The following CHRM5 variants were observed in gnomAD, a reference collection of about 807,000 sequenced individuals.
CHRM5 encodes the protein cholinergic receptor muscarinic 5.
Under a neutral mutation model 39.0 loss-of-function variants are expected in CHRM5, and 18 were observed. The ratio of observed to expected loss-of-function variants is 0.46; its 90% CI spans 0.32 to 0.68. CHRM5 has a LOEUF of 0.68. Among genes scored for constraint, CHRM5 ranks in the 30% least tolerant of loss-of-function variants. The pLI, the probability that CHRM5 is intolerant of heterozygous loss-of-function variation, is 0.04. For synonymous variants in CHRM5, 241 were observed against 246.3 expected (o/e 0.98, Z 0.20); for missense variants, 515 against 651.1 (o/e 0.79, Z 2.28).
At chr15:34,023,238 T>C (rs1898290933) in intron 1 of CHRM5, among the ~76,000 whole-genome samples, 1 of 152,038 alleles carries the variant, frequency 6.6e-6, no homozygotes, top group Non-Finnish European at 1.5e-5. Flanking sequence ...CCCACTCAGG[T>C]TGCTACTCCA....
intron 1 of CHRM5, among the ~76,000 whole-genome samples, chr15:34,016,015 G>A (rs566629432): frequency 2.0e-5 from 3 of 152,288 alleles, no homozygotes; most frequent in African/African-American, 7.2e-5. Flanking sequence ...GGTGGCTCAT[G>A]CCTGTAATCC....
At chr15:34,036,909 A>T (rs1378608732) in intron 1 of CHRM5, among the ~76,000 whole-genome samples, 2 of 152,156 alleles carry the variant, frequency 1.3e-5, no homozygotes, top group African/African-American at 4.8e-5. Flanking sequence ...CAGGAGTTCG[A>T]GACCAGCCTG....
chr15:34,012,916 C>T (rs1897695528), intron 1 of CHRM5, among the ~76,000 whole-genome samples: 1 of 152,150 alleles, frequency 6.6e-6, no homozygotes, highest in African/African-American at 2.4e-5. Context: ...CCTTTATAAG[C>T]ACAAATTTCC....
chr15:34,046,412 A>G (rs1899684879), intron 1 of CHRM5, 128 bp from the exon 2 acceptor site: 1 of 152,010 alleles, frequency 6.6e-6, no homozygotes, highest in Non-Finnish European at 1.5e-5. Flanking sequence ...AATTTCGAAC[A>G]GGAGAAAAAA....
At chr15:34,017,969 CCTA>C (rs577108109) in intron 1 of CHRM5, among the ~76,000 whole-genome samples, 25 of 152,146 alleles carry the variant, frequency 1.6e-4, no homozygotes, top group Non-Finnish European at 3.2e-4. Context: ...TGTAAACAAA[CCTA>C]CTACATTACC....
rs1417689718 is a variant in CHRM5 at position 34,064,219 on chromosome 15, C to T, written c.1502C>T (p.Thr501Ile). 6.2e-7 allele frequency: 1 copy of T among 1,614,118 alleles called. No homozygotes were observed. Among genetic ancestry groups the T allele is most frequent in the Non-Finnish European group, 8.5e-7 (1 of 1,180,034 alleles). Residue 501 changes from threonine to isoleucine, a missense_variant, in exon 3 of 3, where the codon ACC becomes ATC. By Grantham distance (89) the Thr-to-Ile change is moderately conservative (BLOSUM62 -1). Coordinates refer to ENST00000383263, the MANE Select transcript of CHRM5 (RefSeq NM_012125.4). ...ATCTGCTATGCCCTCTGCAACAGAA[C>T]CTTCAGGAAGACCTTTAAGATGCTG... is the stretch of plus-strand genomic sequence containing the variant. ...NPICYALCNRTFRKTFKMLLL... is the reference protein window; with the variant it reads ...NPICYALCNRIFRKTFKMLLL...
intron 1 of CHRM5, among the ~76,000 whole-genome samples, chr15:34,008,376 T>C (rs921238888): frequency 6.6e-6 from 1 of 150,724 alleles, no homozygotes; most frequent in African/African-American, 2.5e-5. Flanking sequence ...GCTGTGATTG[T>C]GCCACTGCAC....
intron 1 of CHRM5, among the ~76,000 whole-genome samples, chr15:33,973,386 TA>T (rs747193366): frequency 3.5e-4 from 53 of 152,338 alleles, no homozygotes; most frequent in Non-Finnish European, 6.5e-4. Context: ...CAACTCTTAA[TA>T]TTTCATCAAC....
intron 1 of CHRM5, among the ~76,000 whole-genome samples, chr15:34,035,838 A>G (rs1169652222): frequency 1.3e-5 from 2 of 152,154 alleles, no homozygotes; most frequent in East Asian, 3.9e-4. Flanking sequence ...TCTATTGCCC[A>G]GGCTGGAGTG....
At chr15:34,031,237 C>T (rs969762430) in intron 1 of CHRM5, among the ~76,000 whole-genome samples, 1 of 124,978 alleles carries the variant, frequency 8.0e-6, no homozygotes, top group African/African-American at 3.0e-5. Flanking sequence ...TGCAATGGCG[C>T]GATCTCAGCT....
chr15:33,984,274 A>G (rs997198233), intron 1 of CHRM5, among the ~76,000 whole-genome samples: 1 of 152,194 alleles, frequency 6.6e-6, no homozygotes, highest in African/African-American at 2.4e-5. Context: ...AAAAATCTAA[A>G]AAGTATTAGA....
At chr15:34,018,690 T>A (rs1898067631) in intron 1 of CHRM5, among the ~76,000 whole-genome samples, 1 of 152,230 alleles carries the variant, frequency 6.6e-6, no homozygotes, top group African/African-American at 2.4e-5. Context: ...GGGTTGCTGC[T>A]GCTGGCTGGG....
intron 1 of CHRM5, among the ~76,000 whole-genome samples, chr15:34,033,234 G>A (rs947887387): frequency 5.9e-5 from 9 of 152,076 alleles, no homozygotes; most frequent in East Asian, 1.9e-4. Flanking sequence ...GGCTGGGCGC[G>A]GTGGCTCATG....
Position 34,063,541 on chromosome 15 carries a change from G to T in CHRM5, c.824G>T (p.Arg275Leu). 3 of 1,613,416 alleles carry T rather than the reference G, an allele frequency of 1.9e-6. No individual in the cohort carries two copies. Among genetic ancestry groups the T allele is most frequent in the South Asian group, 1.1e-5 (1 of 91,070 alleles). The change falls in exon 3 of 3, where the codon CGC becomes CTC. Residue 275 changes from arginine (R) to leucine (L), a missense_variant. Arg to Leu is a moderately radical substitution (Grantham distance 102). Transcript: ENST00000383263. This position sits in a 1 kb window ranked among gnomAD's most constrained non-coding sequence, Gnocchi z 4.1. ...ERNQASWSSSRRSTSTTGKPS... is the reference protein window; with the variant it reads ...ERNQASWSSSLRSTSTTGKPS... The stretch of plus-strand genomic sequence containing the variant: ...AACCAGGCCTCCTGGTCATCCTCCC[G>T]CAGGAGCACCTCCACCACTGGGAAG...
At position 34,065,829 on chromosome 15, in the gene CHRM5, T is replaced by G. The variant is rs1322603978; in HGVS notation, c.*1513T>G. On this transcript the variant is annotated 3_prime_UTR_variant, in exon 3 of 3. Coordinates refer to ENST00000383263, the MANE Select transcript of CHRM5 (RefSeq NM_012125.4). ...ATGAAGCACTCCTGTCAGACATTAT[T>G]TAACTCGTTGGTTACATCTGCAGCT... is the stretch of plus-strand genomic sequence containing the variant. 4 of 152,208 alleles carry G rather than the reference T, an allele frequency of 2.6e-5. No individual in the cohort carries two copies. The highest frequency in any genetic ancestry group is 5.9e-5 in the Non-Finnish European group (4 of 68,044). The allele number at this position is 152,208 out of a possible 1,614,324, so 9.4% of individuals were successfully genotyped here.
Position 34,008,483 on chromosome 15 carries a change from CTTTTTTTTTTTT to C in CHRM5, c.-407-38045_-407-38034del, listed in dbSNP as rs200355232. Among the ~76,000 whole-genome samples, 212 of 119,226 alleles carry C rather than the reference CTTTTTTTTTTTT, an allele frequency of 1.8e-3. 1 individual carries two copies. Among genetic ancestry groups the C allele is most frequent in the East Asian group, 0.018 (68 of 3,866 alleles). The allele number at this position is 119,226 out of a possible 152,430, so 78.2% of individuals were successfully genotyped here. A position where few individuals can be genotyped will look rare whatever the true frequency, so the allele number is the denominator to read the frequency against. On this transcript the variant is annotated intron_variant, in intron 1 of 2. Transcript: ENST00000383263. ...AAACTTCCCAAAGTTGATGAAAAAC[CTTTTTTTTTTTT>C]TTTTTTTTTTTGAGACAGAGTCTTG...
At chr15:34,021,576 C>CAT (rs1898202248) in intron 1 of CHRM5, among the ~76,000 whole-genome samples, 1 of 152,108 alleles carries the variant, frequency 6.6e-6, no homozygotes, top group Non-Finnish European at 1.5e-5. Context: ...TACACATGGC[C>CAT]GTGTAAGGTG....
rs613479 is a variant in CHRM5 at position 34,066,989 on chromosome 15, T to C, written c.*2673T>C. 71,892 of 151,996 alleles carry C rather than the reference T, an allele frequency of 0.47. 20,535 individuals carry two copies. Among genetic ancestry groups the C allele is most frequent in the Non-Finnish European group, 0.64 (43,668 of 67,974 alleles). The allele number at this position is 151,996 out of a possible 1,614,324, so 9.4% of individuals were successfully genotyped here. A position where few individuals can be genotyped will look rare whatever the true frequency, so the allele number is the denominator to read the frequency against. On this transcript the variant is annotated 3_prime_UTR_variant, in exon 3 of 3. Coordinates refer to ENST00000383263, the MANE Select transcript of CHRM5 (RefSeq NM_012125.4). The stretch of plus-strand genomic sequence containing the variant: ...GCTTTAGTGGGGTCCTCAGAATGAA[T>C]AGACCTAATTGTAAACTACAGGGAC...
chr15:34,035,368 C>T (rs996945837), intron 1 of CHRM5, among the ~76,000 whole-genome samples: 3 of 152,152 alleles, frequency 2.0e-5, no homozygotes, highest in Non-Finnish European at 4.4e-5. Flanking sequence ...TATAACCATA[C>T]TAACATATCA....
Sources: allele counts gnomAD v4.1 joint callset (sites outside exome capture counted in the v4.1 genomes callset), GRCh38; gene constraint gnomAD v4.1.1; non-coding constraint Gnocchi (gnomAD v3.1); transcripts MANE v1.5; gene names NCBI Gene and HGNC (gene_info 2026-07-23, HGNC 2026-07-21).